Variants in CLCN4 observed in about 807,000 individuals in gnomAD.
CLCN4 encodes H(+)/Cl(-) exchange transporter 4.
Under a neutral mutation model 41.7 loss-of-function variants are expected in CLCN4, and 1 was observed. The ratio of observed to expected loss-of-function variants is 0.02; its 90% CI spans 0.01 to 0.11. The LOEUF (loss-of-function observed/expected upper bound fraction) is 0.11. Among genes scored for constraint, CLCN4 ranks in the 10% least tolerant of loss-of-function variants. The pLI is 1.00. For synonymous variants in CLCN4, 277 were observed against 285.8 expected (o/e 0.97, Z 0.31); for missense variants, 287 against 661.0 (o/e 0.43, Z 6.20).
At chrX:10,225,536 G>A (rs1264480277) in intron 12 of CLCN4, among the ~76,000 whole-genome samples, 3 of 112,096 alleles carry the variant, frequency 2.7e-5, no homozygotes, top group Non-Finnish European at 5.6e-5. Context: ...CTCCCATTCT[G>A]TAGGTTGTCC....
chrX:10,206,814 C>T, intron 8 of CLCN4, 38 bp downstream of exon 8: 1 of 994,060 alleles, frequency 1.0e-6, no homozygotes, highest in East Asian at 3.1e-5. Flanking sequence ...TGATTTTGAG[C>T]AGCAAGGCCC....
At chrX:10,173,341 T>A (rs970644499) in intron 2 of CLCN4, among the ~76,000 whole-genome samples, 1 of 111,410 alleles carries the variant, frequency 9.0e-6, no homozygotes, top group Non-Finnish European at 1.9e-5. Flanking sequence ...GGCCGCACAT[T>A]GGCAGCACCT....
chrX:10,186,316 T>G (rs1923810048), intron 3 of CLCN4, among the ~76,000 whole-genome samples: 2 of 110,317 alleles, frequency 1.8e-5, no homozygotes, highest in South Asian at 7.7e-4. Flanking sequence ...CACGGTGGCG[T>G]GGGTGTGCAG....
In CLCN4 at chrX:10,157,061, G is replaced by T. The variant is rs1294270431; in HGVS notation, c.-314G>T. ...TCAACCCAAAGGAGCAGGAGATTTC[G>T]GTAGCGTTTTAACTTTATCTCAGAA... is the stretch of plus-strand genomic sequence containing the variant. On this transcript the variant is annotated 5_prime_UTR_variant, in exon 1 of 13. Coordinates refer to ENST00000380833, the MANE Select transcript of CLCN4 (RefSeq NM_001830.4). 1 of 297,970 alleles carries T rather than the reference G, an allele frequency of 3.4e-6. No individual in the cohort carries two copies. The highest frequency in any genetic ancestry group is 5.9e-6 in the Non-Finnish European group (1 of 170,375). The allele number at this position is 297,970 out of a possible 1,213,427, so 24.6% of individuals were successfully genotyped here. A position where few individuals can be genotyped will look rare whatever the true frequency, so the allele number is the denominator to read the frequency against.
intron 12 of CLCN4, among the ~76,000 whole-genome samples, chrX:10,226,626 G>GA (rs948621430): frequency 1.0e-4 from 11 of 110,205 alleles, no homozygotes; most frequent in Non-Finnish European, 1.3e-4. Flanking sequence ...TTGTTTTTTT[G>GA]AAAAAATTAA....
At chrX:10,170,705 G>A (rs1215826313) in intron 2 of CLCN4, among the ~76,000 whole-genome samples, 6 of 111,445 alleles carry the variant, frequency 5.4e-5, no homozygotes, top group Admixed American at 2.9e-4. Context: ...GCTGATGCAC[G>A]TTCAAGCTGA....
chrX:10,180,638 A>G (rs1923651122), intron 2 of CLCN4, among the ~76,000 whole-genome samples: 1 of 109,497 alleles, frequency 9.1e-6, no homozygotes, highest in Middle Eastern at 4.7e-3. Flanking sequence ...GTGGTGGTGC[A>G]TGCCTGTAAT....
chrX:10,229,654 T>C (rs1447856745), intron 12 of CLCN4, among the ~76,000 whole-genome samples: 1 of 110,076 alleles, frequency 9.1e-6, no homozygotes, highest in Non-Finnish European at 1.9e-5. Context: ...GTTTGTTTTT[T>C]TGTCCTTGTG....
At chrX:10,225,052 T>C (rs1245066893) in intron 12 of CLCN4, among the ~76,000 whole-genome samples, 1 of 112,209 alleles carries the variant, frequency 8.9e-6, no homozygotes, top group Non-Finnish European at 1.9e-5. Context: ...GCAGCGAACA[T>C]ACGTGTGTAT....
chrX:10,168,250 G>A (rs779491620), intron 2 of CLCN4, among the ~76,000 whole-genome samples: 5 of 112,025 alleles, frequency 4.5e-5, no homozygotes, highest in African/African-American at 1.6e-4. Context: ...CTGTCTGGGC[G>A]TTACTTTGGG....
At chrX:10,196,423 G>A (rs1248867545) in intron 5 of CLCN4, among the ~76,000 whole-genome samples, 3 of 111,557 alleles carry the variant, frequency 2.7e-5, no homozygotes, top group African/African-American at 9.8e-5. Flanking sequence ...AGAAAGCCAC[G>A]TGAGGAGGAA....
At chrX:10,208,010 C>G in intron 8 of CLCN4, 35 bp from the exon 9 acceptor site, 1 of 1,144,123 alleles carries the variant, frequency 8.7e-7, no homozygotes, top group South Asian at 2.0e-5. Flanking sequence ...GCTCTTTCTC[C>G]GGCCAGTCTT....
chrX:10,212,409 C>T lies in CLCN4; in HGVS notation c.1390-58C>T, dbSNP rs1989890. On this transcript the variant is annotated intron_variant, in intron 9 of 12. Transcript: ENST00000380833. ...GAGGGGGAATGTGTTTCTTGGGGGT[C>T]GTGAAGCGGGGACTTGGTCTTTTTC... 0.052 allele frequency: 57,403 copies of T among 1,099,712 alleles called. 1,890 individuals carry two copies. Among genetic ancestry groups the T allele is most frequent in the South Asian group, 0.23 (11,767 of 51,311 alleles). The allele number at this position is 1,099,712 out of a possible 1,213,427, so 90.6% of individuals were successfully genotyped here.
chrX:10,195,460 CT>C (rs1320064456), intron 5 of CLCN4, among the ~76,000 whole-genome samples: 1 of 111,845 alleles, frequency 8.9e-6, no homozygotes, highest in Non-Finnish European at 1.9e-5. Context: ...AAGAACATAA[CT>C]TTTTAAGTTA....
At chrX:10,160,489 G>A (rs1923064344) in intron 2 of CLCN4, among the ~76,000 whole-genome samples, 1 of 111,293 alleles carries the variant, frequency 9.0e-6, no homozygotes, top group Middle Eastern at 4.6e-3. Flanking sequence ...CCGGGGCTTC[G>A]TGCTCAGCAG....
rs952235507 is a variant in CLCN4 at position 10,234,220 on chromosome X, C to T, written c.*636C>T. 8.9e-6 allele frequency: 1 copy of T among 112,619 alleles called. No individual in the cohort carries two copies. The highest frequency in any genetic ancestry group is 1.9e-5 in the Non-Finnish European group (1 of 53,447). 9.3% of individuals were successfully genotyped at this position (112,619 alleles called of 1,213,427 possible). A position where few individuals can be genotyped will look rare whatever the true frequency, so the allele number is the denominator to read the frequency against. On this transcript the variant is annotated 3_prime_UTR_variant, in exon 13 of 13. Transcript: ENST00000380833. ...TCAGTTTCTGAACCAACATCAGGGGCACCTGCCATGATGAGTGTGAAGAAA... is the reference window on the plus strand; with the variant it reads ...TCAGTTTCTGAACCAACATCAGGGGTACCTGCCATGATGAGTGTGAAGAAA...
chrX:10,175,970 CT>C (rs1923522343), intron 2 of CLCN4, among the ~76,000 whole-genome samples: 1 of 68,511 alleles, frequency 1.5e-5, no homozygotes, highest in Admixed American at 2.3e-4. Flanking sequence ...CTCTCTCTCT[CT>C]GTGTGTGTGT....
chrX:10,183,490 A>G (rs1333283450), intron 2 of CLCN4, among the ~76,000 whole-genome samples: 1 of 112,589 alleles, frequency 8.9e-6, no homozygotes, highest in Admixed American at 9.4e-5. Context: ...TTAACCATCT[A>G]TGCCAGCACT....
intron 6 of CLCN4, among the ~76,000 whole-genome samples, chrX:10,204,795 A>G (rs987473932): frequency 9.1e-6 from 1 of 109,602 alleles, no homozygotes; most frequent in Non-Finnish European, 1.9e-5. Context: ...AGGGGCAAAC[A>G]CCTTTTTAGG....
Sources: gnomAD v4.1 joint callset for allele counts (sites outside exome capture counted in the v4.1 genomes callset) on GRCh38, gnomAD v4.1.1 for gene constraint, MANE v1.5 for transcripts, NCBI Gene and HGNC (gene_info 2026-07-23, HGNC 2026-07-21) for gene names.